TNFSF4: variants seen among roughly 807,000 people sequenced by gnomAD.
TNFSF4 encodes tumor necrosis factor ligand superfamily member 4.
In TNFSF4, 4 loss-of-function variants were observed where a neutral mutation model predicts 7.3. The ratio of observed to expected loss-of-function variants is 0.55; its 90% CI spans 0.27 to 1.25. The LOEUF (loss-of-function observed/expected upper bound fraction) is 1.25. Among genes scored for constraint, TNFSF4 ranks in the 50% most tolerant of loss-of-function variants. The probability of loss-of-function intolerance (pLI) is 0.12; values close to 1 mark genes in which losing one functional copy is unlikely to be tolerated. For synonymous variants in TNFSF4, 76 were observed against 83.7 expected (o/e 0.91, Z 0.50); for missense variants, 181 against 208.8 (o/e 0.87, Z 0.82).
chr1:173,324,257 C>T, the TNFSF4 span, among the ~76,000 whole-genome samples: 1 of 152,104 alleles, frequency 6.6e-6, no homozygotes, highest in African/African-American at 2.4e-5. Context: ...CATATCCAGC[C>T]GAACCAAACT....
the TNFSF4 span, among the ~76,000 whole-genome samples, chr1:173,331,635 T>C: frequency 6.6e-6 from 1 of 152,216 alleles, no homozygotes; most frequent in Non-Finnish European, 1.5e-5. Flanking sequence ...CAACTCAAAA[T>C]TGGCATCTCC....
the TNFSF4 span, among the ~76,000 whole-genome samples, chr1:173,337,767 T>C: frequency 6.6e-6 from 1 of 152,080 alleles, no homozygotes; most frequent in African/African-American, 2.4e-5. Flanking sequence ...TGGCCAATGG[T>C]TTGGCTGACG....
At chr1:173,365,489 A>G in the TNFSF4 span, among the ~76,000 whole-genome samples, 1 of 152,210 alleles carries the variant, frequency 6.6e-6, no homozygotes, top group Non-Finnish European at 1.5e-5. Flanking sequence ...TCTTTCATAT[A>G]TCAACTGTAA....
chr1:173,192,572 A>C (rs1557880684), intron 1 of TNFSF4, among the ~76,000 whole-genome samples: 1 of 152,148 alleles, frequency 6.6e-6, no homozygotes, highest in Non-Finnish European at 1.5e-5. Flanking sequence ...GGGAGGAATA[A>C]ACAGGTAGAG....
the TNFSF4 span, among the ~76,000 whole-genome samples, chr1:173,233,074 A>T: frequency 0.13 from 19,642 of 152,190 alleles, 1,425 homozygotes; most frequent in South Asian, 0.17. Flanking sequence ...GAAGCTAAAA[A>T]CCTTGAGAAA....
chr1:173,286,205 A>G, the TNFSF4 span, among the ~76,000 whole-genome samples: 5 of 152,162 alleles, frequency 3.3e-5, no homozygotes, highest in Non-Finnish European at 5.9e-5. Context: ...TTCAATCCCA[A>G]CTTAAGAACC....
At chr1:173,246,273 A>G in the TNFSF4 span, among the ~76,000 whole-genome samples, 1 of 152,206 alleles carries the variant, frequency 6.6e-6, no homozygotes, top group South Asian at 2.1e-4. Context: ...CCCCATATGC[A>G]TTAGGTATTT....
chr1:173,189,795 T>C (rs1365982457), intron 1 of TNFSF4, among the ~76,000 whole-genome samples: 2 of 152,296 alleles, frequency 1.3e-5, no homozygotes, highest in South Asian at 2.1e-4. Flanking sequence ...GCAAATGTTG[T>C]CCCTGGAGAA....
chr1:173,388,695 T>G, the TNFSF4 span, among the ~76,000 whole-genome samples: 1 of 152,260 alleles, frequency 6.6e-6, no homozygotes, highest in Non-Finnish European at 1.5e-5. Flanking sequence ...TTTTCACTAG[T>G]ATTTGTTTTA....
chr1:173,208,418 T>C (rs1201662614), upstream of TNFSF4, among the ~76,000 whole-genome samples: 1 of 152,194 alleles, frequency 6.6e-6, no homozygotes, highest in Non-Finnish European at 1.5e-5. Context: ...TATGAGTTGT[T>C]ATACCACTTC....
chr1:173,302,372 C>T, the TNFSF4 span, among the ~76,000 whole-genome samples: 1 of 151,772 alleles, frequency 6.6e-6, no homozygotes, highest in East Asian at 1.9e-4. Context: ...TCTGACATCC[C>T]TAAGAAGCAA....
chr1:173,271,675 G>A, the TNFSF4 span, among the ~76,000 whole-genome samples: 7 of 152,044 alleles, frequency 4.6e-5, no homozygotes, highest in East Asian at 1.9e-4. Flanking sequence ...TTAGAATGGC[G>A]ATCATTAAAA....
chr1:173,423,055 G>A, the TNFSF4 span, among the ~76,000 whole-genome samples: 2 of 148,978 alleles, frequency 1.3e-5, no homozygotes, highest in South Asian at 2.2e-4. Context: ...TGCAACCTCC[G>A]CCTCCCAGGT....
At chr1:173,205,359 G>C (rs1361050964) in intron 1 of TNFSF4, 5 of 1,611,758 alleles carry the variant, frequency 3.1e-6, no homozygotes, top group Non-Finnish European at 4.2e-6. Flanking sequence ...TCTTCCCACA[G>C]CTTTCCTTCT....
chr1:173,328,421 G>A, the TNFSF4 span, among the ~76,000 whole-genome samples: 1 of 151,636 alleles, frequency 6.6e-6, no homozygotes, highest in South Asian at 2.1e-4. Flanking sequence ...GAGTTAATGG[G>A]TGCAGCACAC....
rs1266565028 is a variant in TNFSF4 at position 173,185,607 on chromosome 1, T to C, written c.*909A>G. ...GCGTATCTCAGCATAGGCAGGAGGA[T>C]GAGCATGTGTTGCTTTGCCTGTCTG... On this transcript the variant is annotated 3_prime_UTR_variant, in exon 3 of 3. Coordinates refer to ENST00000281834, the MANE Select transcript of TNFSF4 (RefSeq NM_003326.5). 1.3e-5 allele frequency: 2 copies of C among 152,214 alleles called. No individual in the cohort carries two copies. Among genetic ancestry groups the C allele is most frequent in the Non-Finnish European group, 2.9e-5 (2 of 68,026 alleles). The allele number at this position is 152,214 out of a possible 1,614,324, so 9.4% of individuals were successfully genotyped here. A position where few individuals can be genotyped will look rare whatever the true frequency, so the allele number is the denominator to read the frequency against.
chr1:173,173,182 G>A, the TNFSF4 span, among the ~76,000 whole-genome samples: 1 of 152,148 alleles, frequency 6.6e-6, no homozygotes, highest in African/African-American at 2.4e-5. Context: ...AGGACACAGA[G>A]CCAGACTATA....
the TNFSF4 span, among the ~76,000 whole-genome samples, chr1:173,369,709 G>T: frequency 6.6e-6 from 1 of 152,048 alleles, no homozygotes; most frequent in African/African-American, 2.4e-5. Context: ...ATACAACCTG[G>T]CCCCAATATT....
At chr1:173,435,428 T>C in the TNFSF4 span, among the ~76,000 whole-genome samples, 1 of 152,132 alleles carries the variant, frequency 6.6e-6, no homozygotes, top group African/African-American at 2.4e-5. Flanking sequence ...AATGGGATCA[T>C]AAAGGTAGAC....
Sources: allele counts gnomAD v4.1 joint callset (sites outside exome capture counted in the v4.1 genomes callset), GRCh38; gene constraint gnomAD v4.1.1; transcripts MANE v1.5; gene names NCBI Gene and HGNC (gene_info 2026-07-23, HGNC 2026-07-21).